Variants in OSTM1 observed in about 807,000 individuals in gnomAD.
OSTM1 encodes osteopetrosis-associated transmembrane protein 1.
OSTM1 carries 26 observed loss-of-function variants against 35.4 expected under a neutral mutation model. That is an observed-to-expected ratio of 0.73 (90% CI 0.54 to 1.02). The LOEUF (loss-of-function observed/expected upper bound fraction) is 1.02, where lower values mean the gene tolerates loss of function less well. OSTM1 is among the 50% of genes least tolerant of loss of function. OSTM1 has a pLI of 0.00. For synonymous variants in OSTM1, 181 were observed against 165.0 expected (o/e 1.10, Z -0.75); for missense variants, 366 against 409.6 (o/e 0.89, Z 0.92).
chr6:108,051,333 G>C (rs1772070135), intron 3 of OSTM1, 135 bp from the exon 4 acceptor site: 1 of 653,490 alleles, frequency 1.5e-6, no homozygotes, highest in Admixed American at 2.7e-5. Flanking sequence ...TGTTGAGTAG[G>C]TTACTAAATC....
chr6:108,071,552 A>G (rs1772486119), intron 1 of OSTM1, among the ~76,000 whole-genome samples: 1 of 142,668 alleles, frequency 7.0e-6, no homozygotes, highest in Admixed American at 7.4e-5. Flanking sequence ...GCCTCAGGTG[A>G]TCTGCCTGCC....
At chr6:108,070,200 G>T (rs969114763) in intron 1 of OSTM1, among the ~76,000 whole-genome samples, 3 of 152,044 alleles carry the variant, frequency 2.0e-5, no homozygotes, top group African/African-American at 7.2e-5. Flanking sequence ...ACTACTCCTG[G>T]CTAATTTTTT....
rs140921707 is a variant in OSTM1 at position 108,064,233 on chromosome 6, T to A, written c.469A>T (p.Ile157Phe). 21 of 1,606,512 alleles carry A rather than the reference T, an allele frequency of 1.3e-5. No homozygotes were observed. Among genetic ancestry groups the A allele is most frequent in the South Asian group, 4.4e-5 (4 of 90,982 alleles). The change falls in exon 2 of 6, where the codon ATT (isoleucine) becomes TTT (phenylalanine). Residue 157 changes from isoleucine to phenylalanine, a missense_variant. By Grantham distance (21) the Ile-to-Phe change is conservative. Coordinates refer to ENST00000193322, the MANE Select transcript of OSTM1 (RefSeq NM_014028.4). ...GTGGTATTAAAAAATTCTGAGAGAA[T>A]CACAACTATTTGCATTCTATCTGCC... ...LMADRMQIVV[I>F]LSEFFNTTWQ...
Position 108,044,649 on chromosome 6 carries a change from A to G in OSTM1, c.*136T>C. ...AAGGAAAGAAAAATCGAAAATTCTT[A>G]TTTAAAAATGGATCTGAAGTCCTTG... is the stretch of plus-strand genomic sequence containing the variant. On this transcript the variant is annotated 3_prime_UTR_variant, in exon 6 of 6. Transcript: ENST00000193322. 1.9e-6 allele frequency: 1 copy of G among 533,700 alleles called. No homozygotes were observed. Among genetic ancestry groups the G allele is most frequent in the Non-Finnish European group, 3.4e-6 (1 of 293,110 alleles). The allele number at this position is 533,700 out of a possible 1,614,324, so 33.1% of individuals were successfully genotyped here.
intron 3 of OSTM1, 122 bp downstream of exon 3, chr6:108,054,368 C>T: frequency 2.1e-6 from 1 of 480,524 alleles, no homozygotes; most frequent in East Asian, 3.4e-5. Flanking sequence ...TCCAGGTCCA[C>T]TAACTCCTTT....
chr6:108,054,145 C>T (rs1772129674), intron 3 of OSTM1, among the ~76,000 whole-genome samples: 1 of 152,206 alleles, frequency 6.6e-6, no homozygotes, highest in African/African-American at 2.4e-5. Flanking sequence ...AATCATACTA[C>T]ACTGCAAAAT....
In OSTM1 at chr6:108,041,462, A is replaced by G. The variant is rs1442111974; in HGVS notation, c.*3323T>C. ...AAGGAGATAAAGAAAGTTATTTGTC[A>G]TTAAACATGTTACATGTATGACTAA... On this transcript the variant is annotated 3_prime_UTR_variant, in exon 6 of 6. Transcript: ENST00000193322. 6.6e-6 allele frequency: 1 copy of G among 152,250 alleles called. No individual in the cohort carries two copies. The highest frequency in any genetic ancestry group is 6.5e-5 in the Admixed American group (1 of 15,288). The allele number at this position is 152,250 out of a possible 1,614,324, so 9.4% of individuals were successfully genotyped here. A position where few individuals can be genotyped will look rare whatever the true frequency, so the allele number is the denominator to read the frequency against.
At chr6:108,054,375 C>A in intron 3 of OSTM1, 115 bp downstream of exon 3, 1 of 540,186 alleles carries the variant, frequency 1.9e-6, no homozygotes, top group Non-Finnish European at 3.3e-6. Flanking sequence ...CCACTAACTC[C>A]TTTACATCAT....
chr6:108,049,380 G>C lies in OSTM1; in HGVS notation c.822C>G (p.Asn274Lys). Residue 274 changes from asparagine (N) to lysine (K), a missense_variant, in exon 5 of 6, where the codon AAC (asparagine) becomes AAG (lysine). Coordinates refer to ENST00000193322, the MANE Select transcript of OSTM1 (RefSeq NM_014028.4). Reference protein sequence around the residue: ...ITRKLWSRTFNCSVPCSDTVP... With the variant: ...ITRKLWSRTFKCSVPCSDTVP... ...CTGTGTCACTGCAAGGGACTGAACA[G>C]TTGAAAGTTCGACTCCATAGTTTTC... is the stretch of plus-strand genomic sequence containing the variant. 1 of 1,613,796 alleles carries C rather than the reference G, an allele frequency of 6.2e-7. No homozygotes were observed. Among genetic ancestry groups the C allele is most frequent in the Non-Finnish European group, 8.5e-7 (1 of 1,179,730 alleles).
rs974464251 is a variant in OSTM1, at chr6:108,041,819, G to A, written c.*2966C>T. ...GAAAGTCAGATTAGGTAGTCCCTAGGGATCCATCCAGCTCTGGGAATCTAT... is the reference window on the plus strand; with the variant it reads ...GAAAGTCAGATTAGGTAGTCCCTAGAGATCCATCCAGCTCTGGGAATCTAT... On this transcript the variant is annotated 3_prime_UTR_variant, in exon 6 of 6. Coordinates refer to ENST00000193322, the MANE Select transcript of OSTM1 (RefSeq NM_014028.4). 5.3e-5 allele frequency: 8 copies of A among 152,120 alleles called. No homozygotes were observed. Among genetic ancestry groups the A allele is most frequent in the Admixed American group, 2.6e-4 (4 of 15,266 alleles). 9.4% of individuals were successfully genotyped at this position (152,120 alleles called of 1,614,324 possible). A position where few individuals can be genotyped will look rare whatever the true frequency, so the allele number is the denominator to read the frequency against.
intron 2 of OSTM1, among the ~76,000 whole-genome samples, chr6:108,063,399 C>A (rs1484998125): frequency 6.6e-6 from 1 of 152,144 alleles, no homozygotes; most frequent in Admixed American, 6.5e-5. Context: ...TTCAAATTCT[C>A]CCCAGTAAGA....
chr6:108,054,599 A>G lies in OSTM1; in HGVS notation c.518-12T>C. ...GTTTGTTAAACAATCTGTCAAAAAA[A>G]TTCAAAAAGTATATTAATATAACTC... On this transcript the variant is annotated splice_polypyrimidine_tract_variant and intron_variant, in intron 2 of 5. Transcript: ENST00000193322. 1 of 1,264,064 alleles carries G rather than the reference A, an allele frequency of 7.9e-7. No homozygotes were observed. 78.3% of individuals were successfully genotyped at this position (1,264,064 alleles called of 1,614,324 possible).
rs1401680465 is a variant in OSTM1, at chr6:108,057,808, T to G, written c.518-3221A>C. 2.0e-5 allele frequency among the ~76,000 whole-genome samples: 3 copies of G among 152,222 alleles called. No individual in the cohort carries two copies. The East Asian group carries it at 5.8e-4, about 29-fold the overall frequency. ...TCGAAATAACAGATCTCTAGTAAATTCCTTTTTTATCTTTTTGCAGGAATT... is the reference window on the plus strand; with the variant it reads ...TCGAAATAACAGATCTCTAGTAAATGCCTTTTTTATCTTTTTGCAGGAATT... On this transcript the variant is annotated intron_variant, in intron 2 of 5. Transcript: ENST00000193322.
intron 2 of OSTM1, among the ~76,000 whole-genome samples, chr6:108,057,492 T>C (rs1398046565): frequency 2.0e-5 from 3 of 152,192 alleles, no homozygotes; most frequent in Non-Finnish European, 4.4e-5. Flanking sequence ...GGGGTCCACA[T>C]ACTGCCAGCA....
rs1562368350 is a variant in OSTM1, at chr6:108,044,796, T to C, written c.994A>G (p.Asn332Asp). ...SSTSFANIQE[N>D]SN The stretch of plus-strand genomic sequence containing the variant: ...CCATTTTGTAGGTCTCAGTTTGAAT[T>C]TTCCTGAATATTTGCAAAACTGGTA... The change falls in exon 6 of 6, where the codon AAT becomes GAT. Residue 332 changes from asparagine (N) to aspartate (D), a missense_variant. Asn to Asp is a conservative substitution (Grantham distance 23). This residue lies in a region of OSTM1 where 125 missense variants were observed against 151.7 expected (regional missense o/e 0.82). Transcript: ENST00000193322. 6.3e-7 allele frequency: 1 copy of C among 1,575,892 alleles called. No homozygotes were observed. The highest frequency in any genetic ancestry group is 8.7e-7 in the Non-Finnish European group (1 of 1,149,438).
chr6:108,046,508 A>AT (rs567614808), intron 5 of OSTM1, among the ~76,000 whole-genome samples: 7,456 of 116,962 alleles, frequency 0.064, 640 homozygotes, highest in African/African-American at 0.22. Flanking sequence ...CGCCCGGCTA[A>AT]TTTTTTTTTT....
At chr6:108,064,961 C>G (rs562025448) in intron 1 of OSTM1, among the ~76,000 whole-genome samples, 1 of 152,148 alleles carries the variant, frequency 6.6e-6, no homozygotes, top group African/African-American at 2.4e-5. Flanking sequence ...AAAATCCAAG[C>G]GATTCTCATG....
intron 2 of OSTM1, 90 bp downstream of exon 2, chr6:108,064,095 G>A: frequency 1.3e-6 from 1 of 759,214 alleles, no homozygotes; most frequent in Non-Finnish European, 2.4e-6. Context: ...GTATTATCCA[G>A]CTTCAAAGAT....
At chr6:108,048,021 C>T (rs914704313) in intron 5 of OSTM1, among the ~76,000 whole-genome samples, 1 of 152,186 alleles carries the variant, frequency 6.6e-6, no homozygotes, top group African/African-American at 2.4e-5. Context: ...TGCATATTTA[C>T]AGAATGCTGG....
Sources: allele counts gnomAD v4.1 joint callset (sites outside exome capture counted in the v4.1 genomes callset), GRCh38; gene constraint gnomAD v4.1.1; regional missense constraint gnomAD v4.1.1; transcripts MANE v1.5; gene names NCBI Gene and HGNC (gene_info 2026-07-23, HGNC 2026-07-21).